LUZP2: variants seen among roughly 807,000 people sequenced by gnomAD.
LUZP2 encodes the protein leucine zipper protein 2.
A neutral mutation model predicts 51.6 loss-of-function variants in LUZP2; 52 were observed. The ratio of observed to expected loss-of-function variants is 1.01; its 90% CI spans 0.81 to 1.27. The LOEUF (loss-of-function observed/expected upper bound fraction) is 1.27, where lower values mean the gene tolerates loss of function less well. Ranked by LOEUF, LUZP2 falls within the 50% of genes most tolerant of loss-of-function variation. The pLI, the probability that LUZP2 is intolerant of heterozygous loss-of-function variation, is 0.00. For missense variants in LUZP2, 436 were observed against 395.4 expected, an observed-to-expected ratio of 1.10 and a Z score of -0.87; for synonymous variants, 154 against 137.3, an observed-to-expected ratio of 1.12 and a Z score of -0.85.
chr11:25,033,489 T>C (rs928391704), intron 9 of LUZP2, among the ~76,000 whole-genome samples: 3 of 152,158 alleles, frequency 2.0e-5, no homozygotes, highest in Admixed American at 6.6e-5. Context: ...GAATATTGTG[T>C]GATGTCGAGG....
chr11:24,801,249 T>C lies in LUZP2; in HGVS notation c.396+37941T>C, dbSNP rs554743139. ...TTTAAAATCATTGTTGGTGAGGGAATACCATCTCCCTTTTCCAGGAATCGA... is the reference window on the plus strand; with the variant it reads ...TTTAAAATCATTGTTGGTGAGGGAACACCATCTCCCTTTTCCAGGAATCGA... On this transcript the variant is annotated intron_variant, in intron 5 of 11. Transcript: ENST00000336930. Among the ~76,000 whole-genome samples, 126 of 152,192 alleles carry C rather than the reference T, an allele frequency of 8.3e-4. 1 individual carries two copies. The highest frequency in any genetic ancestry group is 2.9e-3 in the African/African-American group (119 of 41,562).
chr11:24,939,962 A>G (rs563507796), intron 7 of LUZP2, among the ~76,000 whole-genome samples: 52 of 151,984 alleles, frequency 3.4e-4, no homozygotes, highest in Non-Finnish European at 6.8e-4. Flanking sequence ...CTGGCCAGTG[A>G]CAACTTGGCA....
At chr11:24,707,327 C>T (rs1209004332) in intron 1 of LUZP2, among the ~76,000 whole-genome samples, 3 of 147,570 alleles carry the variant, frequency 2.0e-5, no homozygotes, top group African/African-American at 7.8e-5. Context: ...TGTGTGTGTG[C>T]ATGTGTGTGT....
intron 9 of LUZP2, among the ~76,000 whole-genome samples, chr11:25,018,279 A>G (rs1292632280): frequency 6.6e-6 from 1 of 151,944 alleles, no homozygotes; most frequent in African/African-American, 2.4e-5. Context: ...CTCTTTTCCA[A>G]TTTGGATGCC....
At chr11:25,050,664 T>C (rs1354404467) in intron 10 of LUZP2, among the ~76,000 whole-genome samples, 1 of 152,096 alleles carries the variant, frequency 6.6e-6, no homozygotes, top group Non-Finnish European at 1.5e-5. Flanking sequence ...ACTAGATTCT[T>C]AGGACAACTG....
intron 9 of LUZP2, among the ~76,000 whole-genome samples, chr11:25,037,567 G>A (rs1238457642): frequency 6.6e-6 from 1 of 152,136 alleles, no homozygotes; most frequent in East Asian, 1.9e-4. Flanking sequence ...GGGGCCGTGA[G>A]CTTAAGTGTG....
At chr11:24,538,652 ATGTG>A (rs10627420) in intron 1 of LUZP2, among the ~76,000 whole-genome samples, 147 of 146,362 alleles carry the variant, frequency 1.0e-3, no homozygotes, top group African/African-American at 3.0e-3. Flanking sequence ...TGTTTTTTAT[ATGTG>A]TGTGTGTGTG....
Position 24,611,667 on chromosome 11 carries a change from GT to G in LUZP2, c.62+114365del, listed in dbSNP as rs1263521205. Among the ~76,000 whole-genome samples, 1 of 152,024 alleles carries G rather than the reference GT, an allele frequency of 6.6e-6. No individual in the cohort carries two copies. Among genetic ancestry groups the G allele is most frequent in the African/African-American group, 2.4e-5 (1 of 41,400 alleles). On this transcript the variant is annotated intron_variant, in intron 1 of 11. Transcript: ENST00000336930. This position sits in a 1 kb window ranked among gnomAD's most constrained non-coding sequence, Gnocchi z 4.6. ...CGTCATCATCATCATCATCCCTGGC[GT>G]TTATTGAGCCCTCCTTCAACACATG... is the stretch of plus-strand genomic sequence containing the variant.
At chr11:24,612,954 AC>A (rs1329206353) in intron 1 of LUZP2, among the ~76,000 whole-genome samples, 1 of 152,076 alleles carries the variant, frequency 6.6e-6, no homozygotes, top group Non-Finnish European at 1.5e-5. Context: ...CCCTAGTGGT[AC>A]TAACAAATGT....
At chr11:24,699,285 A>G (rs955853676) in intron 1 of LUZP2, among the ~76,000 whole-genome samples, 1 of 152,122 alleles carries the variant, frequency 6.6e-6, no homozygotes, top group African/African-American at 2.4e-5. Flanking sequence ...ACTAGAATCC[A>G]TGTTGCTTTG....
intron 5 of LUZP2, among the ~76,000 whole-genome samples, chr11:24,837,276 A>G (rs1850888808): frequency 6.6e-6 from 1 of 151,770 alleles, no homozygotes; most frequent in Non-Finnish European, 1.5e-5. Flanking sequence ...ATTGATATCT[A>G]AGAACACAAA....
chr11:24,747,100 T>G (rs571603223), intron 4 of LUZP2, among the ~76,000 whole-genome samples: 3 of 152,180 alleles, frequency 2.0e-5, no homozygotes, highest in African/African-American at 7.2e-5. Context: ...CTAGTGTGAT[T>G]TTTTGGGGGT....
Position 24,728,864 on chromosome 11 carries a change from G to T in LUZP2, c.63-305G>T, listed in dbSNP as rs572034388. 3.3e-5 allele frequency among the ~76,000 whole-genome samples: 5 copies of T among 152,052 alleles called. 1 individual carries two copies. The highest frequency in any genetic ancestry group is 1.2e-4 in the African/African-American group (5 of 41,518). On this transcript the variant is annotated intron_variant, in intron 1 of 11. Transcript: ENST00000336930. The stretch of plus-strand genomic sequence containing the variant: ...TTAGTGGATTCCACGTGGCTGGGGA[G>T]GCCTCCCAATCATGGAAGAAGACGA...
At chr11:24,972,612 C>A (rs1007141179) in intron 7 of LUZP2, among the ~76,000 whole-genome samples, 23 of 151,980 alleles carry the variant, frequency 1.5e-4, no homozygotes, top group African/African-American at 5.6e-4. Context: ...TCCTTCAATA[C>A]CTAATTTATT....
chr11:24,897,860 A>C (rs559567979), intron 5 of LUZP2, among the ~76,000 whole-genome samples: 1 of 152,278 alleles, frequency 6.6e-6, no homozygotes, highest in Admixed American at 6.5e-5. Flanking sequence ...ATTCTCAAGG[A>C]GATTTTCATC....
chr11:25,048,663 A>G (rs1021946309), intron 9 of LUZP2, among the ~76,000 whole-genome samples: 1 of 152,180 alleles, frequency 6.6e-6, no homozygotes, highest in Non-Finnish European at 1.5e-5. Context: ...TAGAGAAATT[A>G]GAGGGGAGGT....
chr11:25,026,366 A>G (rs1857492569), intron 9 of LUZP2, among the ~76,000 whole-genome samples: 1 of 152,192 alleles, frequency 6.6e-6, no homozygotes, highest in Non-Finnish European at 1.5e-5. Flanking sequence ...TTTGGAATGT[A>G]TATGAAAATT....
At chr11:24,650,390 C>A (rs959416484) in intron 1 of LUZP2, among the ~76,000 whole-genome samples, 6 of 151,410 alleles carry the variant, frequency 4.0e-5, no homozygotes, top group Admixed American at 4.0e-4. Context: ...AGCACTACAC[C>A]AACATACATG....
At chr11:24,566,469 C>A (rs11822747) in intron 1 of LUZP2, among the ~76,000 whole-genome samples, 59,740 of 148,158 alleles carry the variant, frequency 0.4, 12,482 homozygotes, top group Middle Eastern at 0.49. Context: ...GCTGGGACTA[C>A]AGGCACGTGC....
Sources: gnomAD v4.1 joint callset for allele counts (sites outside exome capture counted in the v4.1 genomes callset) on GRCh38, gnomAD v4.1.1 for gene constraint, Gnocchi (gnomAD v3.1) non-coding constraint, MANE v1.5 for transcripts, NCBI Gene and HGNC (gene_info 2026-07-23, HGNC 2026-07-21) for gene names.